TMEM132B: variants seen among roughly 807,000 people sequenced by gnomAD.
TMEM132B encodes transmembrane protein 132B.
In TMEM132B, 18 loss-of-function variants were observed where a neutral mutation model predicts 90.8. That is an observed-to-expected ratio of 0.20 (90% CI 0.14 to 0.29). The LOEUF (loss-of-function observed/expected upper bound fraction) is 0.29. Among genes scored for constraint, TMEM132B ranks in the 10% least tolerant of loss-of-function variants. The probability of loss-of-function intolerance (pLI) is 1.00; values close to 1 mark genes in which losing one functional copy is unlikely to be tolerated. For missense variants in TMEM132B, 1,096 were observed against 1,326.8 expected, an observed-to-expected ratio of 0.83 and a Z score of 2.70; for synonymous variants, 504 against 523.3, an observed-to-expected ratio of 0.96 and a Z score of 0.50.
Position 125,534,479 on chromosome 12 carries a change from T to G in TMEM132B, c.1293+14854T>G, listed in dbSNP as rs1883744049. ...CTGCAGTGAGCCATTATCATGCCAT[T>G]GCACTCCAGCTTGGGTGACAAAGCA... On this transcript the variant is annotated intron_variant, in intron 4 of 8. Transcript: ENST00000682704. Among the ~76,000 whole-genome samples, 4 of 152,322 alleles carry G rather than the reference T, an allele frequency of 2.6e-5. No homozygotes were observed. The South Asian group carries it at 8.3e-4, about 32-fold the overall frequency.
intron 1 of TMEM132B, among the ~76,000 whole-genome samples, chr12:125,312,526 T>C (rs1229009369): frequency 1.3e-5 from 2 of 152,314 alleles, no homozygotes; most frequent in African/African-American, 4.8e-5. Context: ...CTGAGGACCC[T>C]TGGGTAGATG....
In TMEM132B at chr12:125,491,873, C is replaced by G. The variant is rs1882362071; in HGVS notation, c.1107-27566C>G. Among the ~76,000 whole-genome samples the G allele has an allele frequency of 2.6e-5, 4 of 152,290 alleles. No homozygotes were observed. The South Asian group carries it at 8.3e-4, about 32-fold the overall frequency. ...TTTCTTTTGTGCTTTTACCTGAGGC[C>G]ACTTTGGATGAAATAAACACAATAT... On this transcript the variant is annotated intron_variant, in intron 3 of 8. Transcript: ENST00000682704.
chr12:125,276,166 T>C (rs1226718506), intron 1 of TMEM132B, among the ~76,000 whole-genome samples: 2 of 152,222 alleles, frequency 1.3e-5, no homozygotes, highest in Non-Finnish European at 2.9e-5. Flanking sequence ...TATTTAAATA[T>C]ATAGTTTACA....
chr12:125,617,827 C>T (rs1170913610), intron 5 of TMEM132B, among the ~76,000 whole-genome samples: 2 of 151,966 alleles, frequency 1.3e-5, no homozygotes, highest in South Asian at 2.1e-4. Context: ...GTGTTTGAGG[C>T]GTCTCTGAGG....
chr12:125,289,153 C>T (rs1297441756), intron 1 of TMEM132B, among the ~76,000 whole-genome samples: 1 of 152,134 alleles, frequency 6.6e-6, no homozygotes, highest in Non-Finnish European at 1.5e-5. Flanking sequence ...GGGGTTCTGA[C>T]CCCTTCCTGG....
chr12:125,389,989 G>A (rs967829761), intron 2 of TMEM132B, among the ~76,000 whole-genome samples: 7 of 152,134 alleles, frequency 4.6e-5, no homozygotes, highest in African/African-American at 7.2e-5. Flanking sequence ...CTGTCACTCC[G>A]TTCAAGAATC....
At chr12:125,471,189 C>G (rs901480734) in intron 3 of TMEM132B, among the ~76,000 whole-genome samples, 3 of 152,222 alleles carry the variant, frequency 2.0e-5, no homozygotes, top group Non-Finnish European at 4.4e-5. Flanking sequence ...GAATATCTCT[C>G]TGTGTGATCT....
intron 1 of TMEM132B, among the ~76,000 whole-genome samples, chr12:125,286,737 T>G (rs967722793): frequency 1.4e-4 from 22 of 151,974 alleles, no homozygotes; most frequent in Middle Eastern, 3.2e-3. Flanking sequence ...GAGGTCTCAC[T>G]CTGTCGCCCA....
intron 3 of TMEM132B, among the ~76,000 whole-genome samples, chr12:125,481,388 G>C (rs1882039067): frequency 6.6e-6 from 1 of 152,196 alleles, no homozygotes; most frequent in South Asian, 2.1e-4. Flanking sequence ...TCCTTAAGCT[G>C]ATAAGCTACT....
At chr12:125,397,682 A>G (rs550871517) in intron 2 of TMEM132B, among the ~76,000 whole-genome samples, 21 of 152,344 alleles carry the variant, frequency 1.4e-4, no homozygotes, top group Admixed American at 3.9e-4. Context: ...ACCAGAGTCC[A>G]TGGTTGAGAA....
chr12:125,348,254 G>T (rs1877428255), intron 1 of TMEM132B, among the ~76,000 whole-genome samples: 1 of 152,086 alleles, frequency 6.6e-6, no homozygotes, highest in Non-Finnish European at 1.5e-5. Context: ...TATTGAATAT[G>T]GATTAAAATA....
intron 1 of TMEM132B, among the ~76,000 whole-genome samples, chr12:125,188,501 A>G (rs1290985139): frequency 6.6e-6 from 1 of 152,010 alleles, no homozygotes; most frequent in Non-Finnish European, 1.5e-5. Context: ...CTGCCTGCAT[A>G]ATGCTTTGTA....
At chr12:125,652,998 A>G (rs1452360869) in intron 8 of TMEM132B, among the ~76,000 whole-genome samples, 3 of 152,352 alleles carry the variant, frequency 2.0e-5, no homozygotes, top group Admixed American at 2.0e-4. Context: ...CATGGCTAAC[A>G]GGCACCAAAT....
At chr12:125,615,343 C>G (rs1287134595) in intron 5 of TMEM132B, among the ~76,000 whole-genome samples, 1 of 152,020 alleles carries the variant, frequency 6.6e-6, no homozygotes, top group Non-Finnish European at 1.5e-5. Flanking sequence ...GTCTATCTAT[C>G]TATCTATCTA....
In TMEM132B at chr12:125,186,622, G is replaced by T. The variant is rs1158637129; in HGVS notation, c.-178G>T. ...GCCGAGCCCAGGAGAGCGCGCAGAG[G>T]CGCAGCCGAGGAAGCGCCGCCAGCG... On this transcript the variant is annotated 5_prime_UTR_variant, in exon 1 of 9. Coordinates refer to ENST00000682704, the MANE Select transcript of TMEM132B (RefSeq NM_001366854.1). This position sits in a 1 kb window ranked among gnomAD's most constrained non-coding sequence, Gnocchi z 6.3. Among the ~76,000 whole-genome samples, 1 of 146,852 alleles carries T rather than the reference G, an allele frequency of 6.8e-6. No individual in the cohort carries two copies. Among genetic ancestry groups the T allele is most frequent in the African/African-American group, 2.4e-5 (1 of 40,934 alleles).
At chr12:125,454,304 C>A (rs766564696) in intron 3 of TMEM132B, among the ~76,000 whole-genome samples, 2 of 151,986 alleles carry the variant, frequency 1.3e-5, no homozygotes, top group Non-Finnish European at 2.9e-5. Context: ...GCTCAGTTTT[C>A]CATTGTGAAC....
intron 1 of TMEM132B, among the ~76,000 whole-genome samples, chr12:125,255,906 A>G (rs1379191591): frequency 6.6e-6 from 1 of 152,222 alleles, no homozygotes; most frequent in Non-Finnish European, 1.5e-5. Context: ...ATGCTGAGAA[A>G]CAATTAGTAA....
At chr12:125,474,712 T>A (rs1287152431) in intron 3 of TMEM132B, among the ~76,000 whole-genome samples, 2 of 152,228 alleles carry the variant, frequency 1.3e-5, no homozygotes, top group Non-Finnish European at 2.9e-5. Context: ...ATTGGCTGAT[T>A]TAACTGACAA....
At chr12:125,375,224 C>T (rs1296568909) in intron 2 of TMEM132B, among the ~76,000 whole-genome samples, 1 of 152,220 alleles carries the variant, frequency 6.6e-6, no homozygotes, top group Non-Finnish European at 1.5e-5. Context: ...GAAACTCAAT[C>T]TCAGACTCAG....
Sources: gnomAD v4.1 joint callset for allele counts (sites outside exome capture counted in the v4.1 genomes callset) on GRCh38, gnomAD v4.1.1 for gene constraint, Gnocchi (gnomAD v3.1) non-coding constraint, MANE v1.5 for transcripts, NCBI Gene and HGNC (gene_info 2026-07-23, HGNC 2026-07-21) for gene names.